SNAP91: variants seen among roughly 807,000 people sequenced by gnomAD.
SNAP91 encodes clathrin coat assembly protein AP180.
SNAP91 carries 27 observed loss-of-function variants against 100.3 expected under a neutral mutation model. The ratio of observed to expected loss-of-function variants is 0.27; its 90% CI spans 0.20 to 0.37. The LOEUF is 0.37. Ranked by LOEUF, SNAP91 falls within the 10% of genes least tolerant of loss-of-function variation. SNAP91 has a pLI of 1.00. For missense variants in SNAP91, 986 were observed against 1,123.7 expected (o/e 0.88, Z 1.75); for synonymous variants, 404 against 398.6 (o/e 1.01, Z -0.16).
chr6:83,642,158 T>A (rs569503760), intron 7 of SNAP91, among the ~76,000 whole-genome samples: 1 of 89,310 alleles, frequency 1.1e-5, no homozygotes, highest in Admixed American at 1.1e-4. Context: ...TGGTTTAAAA[T>A]ATGCTATTTT....
intron 22 of SNAP91, among the ~76,000 whole-genome samples, chr6:83,585,095 A>T (rs1011859132): frequency 6.6e-6 from 1 of 152,244 alleles, no homozygotes; most frequent in Non-Finnish European, 1.5e-5. Flanking sequence ...CATTACAGTC[A>T]TTCATGAGGC....
chr6:83,612,614 G>A (rs747356827), intron 11 of SNAP91, among the ~76,000 whole-genome samples: 11 of 152,036 alleles, frequency 7.2e-5, no homozygotes, highest in South Asian at 2.1e-4. Flanking sequence ...GGTGGCTCAC[G>A]CCTGTAATCC....
intron 8 of SNAP91, among the ~76,000 whole-genome samples, chr6:83,636,289 C>CA (rs1487818722): frequency 6.6e-6 from 1 of 152,164 alleles, no homozygotes; most frequent in East Asian, 1.9e-4. Context: ...TCTTCTCTCT[C>CA]AGAAATGCCA....
intron 2 of SNAP91, chr6:83,690,242 A>G (rs2099114074): frequency 9.0e-7 from 1 of 1,108,738 alleles, no homozygotes; most frequent in Non-Finnish European, 1.1e-6. Context: ...TATGATGAAC[A>G]AATCTCTTCT....
At position 83,567,800 on chromosome 6, in the gene SNAP91, C is replaced by A. The variant is rs962360786; in HGVS notation, c.2443-6853G>T. 3.2e-4 allele frequency among the ~76,000 whole-genome samples: 48 copies of A among 152,216 alleles called. 1 individual carries two copies. Among genetic ancestry groups the A allele is most frequent in the African/African-American group, 1.1e-3 (47 of 41,520 alleles). On this transcript the variant is annotated intron_variant, in intron 26 of 29. Coordinates refer to ENST00000369694, the MANE Select transcript of SNAP91 (RefSeq NM_001242792.2). ...TGCAAATCAAAACCACAATGAGATA[C>A]CATCTCACACCAATTAGGATGGCGA...
At chr6:83,659,229 G>T in intron 5 of SNAP91, 137 bp from the exon 6 acceptor site, 1 of 656,284 alleles carries the variant, frequency 1.5e-6, no homozygotes, top group Non-Finnish European at 2.6e-6. Flanking sequence ...GGTATTACAA[G>T]GTTGTAGTCA....
chr6:83,686,688 T>C (rs77024036), intron 2 of SNAP91: 1 of 152,364 alleles, frequency 6.6e-6, no homozygotes, highest in African/African-American at 2.4e-5. Flanking sequence ...AATGATTATA[T>C]CCATTTGGAT....
At chr6:83,645,768 T>C (rs1346833461) in intron 7 of SNAP91, among the ~76,000 whole-genome samples, 2 of 152,144 alleles carry the variant, frequency 1.3e-5, no homozygotes, top group Non-Finnish European at 2.9e-5. Flanking sequence ...GGAGGATCAC[T>C]TGAGCCCAGG....
chr6:83,592,830 T>C, intron 20 of SNAP91, 116 bp downstream of exon 20: 2 of 820,146 alleles, frequency 2.4e-6, no homozygotes, highest in Non-Finnish European at 3.9e-6. Flanking sequence ...AGTTTTTCTT[T>C]TGAAGTACAT....
intron 4 of SNAP91, among the ~76,000 whole-genome samples, chr6:83,661,921 T>G (rs1401038638): frequency 1.3e-5 from 2 of 152,208 alleles, no homozygotes; most frequent in Non-Finnish European, 2.9e-5. Flanking sequence ...TAATGTTCCA[T>G]TTGCTTGATG....
At chr6:83,612,481 C>G (rs2096199209) in intron 11 of SNAP91, among the ~76,000 whole-genome samples, 1 of 152,160 alleles carries the variant, frequency 6.6e-6, no homozygotes, top group Non-Finnish European at 1.5e-5. Context: ...GGTATGGTCA[C>G]TTTCTAAGAA....
chr6:83,612,244 A>G (rs371040880), intron 11 of SNAP91, among the ~76,000 whole-genome samples: 1 of 152,238 alleles, frequency 6.6e-6, no homozygotes, highest in East Asian at 1.9e-4. Flanking sequence ...ACCTTTATCT[A>G]TACTGTCCGT....
At chr6:83,589,325 C>T (rs992956277) in intron 22 of SNAP91, among the ~76,000 whole-genome samples, 6 of 152,130 alleles carry the variant, frequency 3.9e-5, no homozygotes, top group Non-Finnish European at 8.8e-5. Context: ...GTTAAGTGTA[C>T]TGCCTCTTAT....
Position 83,553,018 on chromosome 6 carries a change from C to G in SNAP91, c.*1278G>C, listed in dbSNP as rs1197510394. The G allele has an allele frequency of 1.3e-5, 2 of 152,470 alleles. No homozygotes were observed. The highest frequency in any genetic ancestry group is 2.4e-5 in the African/African-American group (1 of 41,400). The allele number at this position is 152,470 out of a possible 1,614,324, so 9.4% of individuals were successfully genotyped here. A position where few individuals can be genotyped will look rare whatever the true frequency, so the allele number is the denominator to read the frequency against. On this transcript the variant is annotated 3_prime_UTR_variant, in exon 30 of 30. Coordinates refer to ENST00000369694, the MANE Select transcript of SNAP91 (RefSeq NM_001242792.2). ...TTTTCCCCATTACAGTGTATGTTAT[C>G]CCCACAGTAAATTCAGATACAACCA... is the stretch of plus-strand genomic sequence containing the variant.
chr6:83,630,767 T>C (rs1171767870), intron 8 of SNAP91, among the ~76,000 whole-genome samples: 1 of 80,452 alleles, frequency 1.2e-5, no homozygotes, highest in Non-Finnish European at 2.9e-5. Context: ...GGTCTATCAA[T>C]TTTATCTTAA....
At chr6:83,689,775 T>G (rs2099107786) in intron 2 of SNAP91, 1 of 152,250 alleles carries the variant, frequency 6.6e-6, no homozygotes, top group South Asian at 2.1e-4. Context: ...CTTATAATTT[T>G]CTATTAATCC....
In SNAP91 at chr6:83,707,785, A is replaced by G; in HGVS notation, c.130+13T>C. 2 of 1,612,462 alleles carry G rather than the reference A, an allele frequency of 1.2e-6. No individual in the cohort carries two copies. Among genetic ancestry groups the G allele is most frequent in the Non-Finnish European group, 1.7e-6 (2 of 1,179,394 alleles). On this transcript the variant is annotated intron_variant, in intron 2 of 29. Transcript: ENST00000369694. Reference sequence around the variant, plus strand: ...GCCGTGCGCATGTCCCTCTTATATAAAGAGATGCTTACAGTCCAGGTGCTT... The same window carrying G: ...GCCGTGCGCATGTCCCTCTTATATAGAGAGATGCTTACAGTCCAGGTGCTT...
chr6:83,627,735 C>CT lies in SNAP91; in HGVS notation c.766-4394dup, dbSNP rs980138228. Among the ~76,000 whole-genome samples the CT allele has an allele frequency of 1.1e-4, 17 of 151,840 alleles. No individual in the cohort carries two copies. The Admixed American group carries it at 1.1e-3, about 10-fold the overall frequency. ...CTGATTGTATTTATTTGGATCTTCT[C>CT]TTTTTTTCATTGTTAATCTAGCTAG... On this transcript the variant is annotated intron_variant, in intron 8 of 29. Coordinates refer to ENST00000369694, the MANE Select transcript of SNAP91 (RefSeq NM_001242792.2).
chr6:83,565,765 A>G (rs1795665778), intron 26 of SNAP91, among the ~76,000 whole-genome samples: 1 of 152,170 alleles, frequency 6.6e-6, no homozygotes, highest in South Asian at 2.1e-4. Flanking sequence ...ATGAAATACC[A>G]CTTCATGCTC....
Sources: allele counts gnomAD v4.1 joint callset (sites outside exome capture counted in the v4.1 genomes callset), GRCh38; gene constraint gnomAD v4.1.1; transcripts MANE v1.5; gene names NCBI Gene and HGNC (gene_info 2026-07-23, HGNC 2026-07-21).